DEPDC5: variants seen among roughly 807,000 people sequenced by gnomAD.
DEPDC5 encodes the protein DEP domain containing 5, GATOR1 subcomplex subunit, also known as GATOR1 complex protein DEPDC5.
In DEPDC5, 73 loss-of-function variants were observed where a neutral mutation model predicts 217.3. That is an observed-to-expected ratio of 0.34 (90% CI 0.28 to 0.41). The LOEUF is 0.41. Among genes scored for constraint, DEPDC5 ranks in the 10% least tolerant of loss-of-function variants. The pLI is 1.00. For missense variants in DEPDC5, 1,675 were observed against 2,070.1 expected (o/e 0.81, Z 3.70); for synonymous variants, 733 against 756.7 (o/e 0.97, Z 0.51).
At chr22:31,756,369 T>C (rs988153924) in intron 2 of DEPDC5, among the ~76,000 whole-genome samples, 1 of 152,220 alleles carries the variant, frequency 6.6e-6, no homozygotes, top group Admixed American at 6.5e-5. Context: ...TCAATAAATG[T>C]AGCCATTGTA....
chr22:31,839,575 G>C (rs771624409), intron 27 of DEPDC5, among the ~76,000 whole-genome samples: 1 of 151,982 alleles, frequency 6.6e-6, no homozygotes, highest in Non-Finnish European at 1.5e-5. Flanking sequence ...CCCCATGAAA[G>C]CTTCTTGGGC....
intron 12 of DEPDC5, among the ~76,000 whole-genome samples, chr22:31,795,987 C>T (rs2086202838): frequency 6.6e-6 from 1 of 152,164 alleles, no homozygotes; most frequent in African/African-American, 2.4e-5. Flanking sequence ...ACCTTGGCCT[C>T]TCCAAGTGCT....
At chr22:31,795,771 C>T (rs1393841854) in intron 12 of DEPDC5, among the ~76,000 whole-genome samples, 1 of 150,388 alleles carries the variant, frequency 6.6e-6, no homozygotes, top group Non-Finnish European at 1.5e-5. Context: ...GCTCTTGTTG[C>T]CCAGTCTGGA....
chr22:31,821,314 G>C (rs1244022804), intron 22 of DEPDC5, among the ~76,000 whole-genome samples, 188 bp from the exon 23 acceptor site: 1 of 152,238 alleles, frequency 6.6e-6, no homozygotes, highest in Non-Finnish European at 1.5e-5. Context: ...TAAAGGTGAG[G>C]CTCCTTAGTA....
At chr22:31,815,550 TATC>T in intron 21 of DEPDC5, 1 of 623,472 alleles carries the variant, frequency 1.6e-6, no homozygotes, top group Non-Finnish European at 2.8e-6. Context: ...CCCAGCTGAT[TATC>T]ATATTTTTTT....
intron 33 of DEPDC5, among the ~76,000 whole-genome samples, chr22:31,866,923 G>C (rs573098477): frequency 6.6e-6 from 1 of 152,286 alleles, no homozygotes; most frequent in East Asian, 1.9e-4. Context: ...TTCATCACTT[G>C]GTTAATGTCA....
rs559317998 is a variant in DEPDC5 at position 31,861,404 on chromosome 22, C to T, written c.3301C>T (p.Arg1101Cys). ...CTTTATGGAGTTTGTCCGCAGCCCA[C>T]GCACAGCATCGTCCGCCTTCTACCC... ...AFFMEFVRSP[R>C]TASSAFYPQV... is the part of the protein sequence containing the mutation. The change falls in exon 33 of 43, where the codon CGC becomes TGC. Residue 1101 changes from arginine (R) to cysteine (C), a missense_variant. Coordinates refer to ENST00000651528, the MANE Select transcript of DEPDC5 (RefSeq NM_001242896.3). The T allele has an allele frequency of 8.4e-6, 13 of 1,551,596 alleles. No homozygotes were observed. The highest frequency in any genetic ancestry group is 4.9e-5 in the East Asian group (2 of 40,916).
At chr22:31,842,459 C>T (rs1269499244) in intron 27 of DEPDC5, among the ~76,000 whole-genome samples, 3 of 151,598 alleles carry the variant, frequency 2.0e-5, no homozygotes, top group Non-Finnish European at 4.4e-5. Flanking sequence ...CCTGTAATCC[C>T]AGCTACTCGG....
intron 31 of DEPDC5, among the ~76,000 whole-genome samples, chr22:31,851,959 G>C (rs983555596): frequency 3.9e-5 from 6 of 152,164 alleles, no homozygotes; most frequent in East Asian, 1.9e-4. Context: ...GGGAGACTGA[G>C]AGGTCAGGGT....
chr22:31,791,951 AGAAT>A, intron 10 of DEPDC5, 78 bp from the exon 11 acceptor site: 2 of 533,958 alleles, frequency 3.7e-6, no homozygotes, highest in African/African-American at 2.1e-5. Context: ...AAAAAAAAAA[AGAAT>A]ATTATATGCA....
At chr22:31,852,374 C>G (rs2092075966) in intron 31 of DEPDC5, among the ~76,000 whole-genome samples, 1 of 127,546 alleles carries the variant, frequency 7.8e-6, no homozygotes, top group African/African-American at 3.1e-5. Context: ...GAGTTTCGCT[C>G]TTGTTGCCTA....
intron 30 of DEPDC5, 27 bp downstream of exon 30, chr22:31,845,264 G>A (rs2091660317): frequency 6.2e-7 from 1 of 1,600,078 alleles, no homozygotes; most frequent in East Asian, 2.3e-5. Flanking sequence ...CTCAGGGAGT[G>A]CGCCTGGTGT....
chr22:31,762,128 A>G (rs1306572779), intron 4 of DEPDC5, among the ~76,000 whole-genome samples: 2 of 152,082 alleles, frequency 1.3e-5, no homozygotes, highest in African/African-American at 4.8e-5. Flanking sequence ...ACTATTTGTT[A>G]AATGCCTACT....
rs976160493 is a variant in DEPDC5 at position 31,844,897 on chromosome 22, A to T, written c.2802-121A>T. On this transcript the variant is annotated intron_variant, in intron 29 of 42. Coordinates refer to ENST00000651528, the MANE Select transcript of DEPDC5 (RefSeq NM_001242896.3). ...AACAAAGCCATGAGCTGTAGCATCA[A>T]ATGAGCACATACTCATGGGGAGATG... 4.0e-6 allele frequency: 4 copies of T among 994,098 alleles called. No individual in the cohort carries two copies. The Admixed American group carries it at 6.5e-5, about 16-fold the overall frequency. 61.6% of individuals were successfully genotyped at this position (994,098 alleles called of 1,614,324 possible). A position where few individuals can be genotyped will look rare whatever the true frequency, so the allele number is the denominator to read the frequency against.
intron 10 of DEPDC5, among the ~76,000 whole-genome samples, chr22:31,787,273 T>C (rs551630874): frequency 6.6e-6 from 1 of 151,230 alleles, no homozygotes; most frequent in Non-Finnish European, 1.5e-5. Flanking sequence ...TTTATAGAGA[T>C]GGGGTTTTGC....
intron 38 of DEPDC5, among the ~76,000 whole-genome samples, chr22:31,888,336 G>A (rs545074021): frequency 1.2e-4 from 15 of 124,218 alleles, no homozygotes; most frequent in South Asian, 8.6e-4. Flanking sequence ...TGCAACCTCC[G>A]CCTCCCGGTT....
At chr22:31,783,275 T>C (rs2084643949) in intron 8 of DEPDC5, among the ~76,000 whole-genome samples, 1 of 152,118 alleles carries the variant, frequency 6.6e-6, no homozygotes, top group Non-Finnish European at 1.5e-5. Context: ...GTTCTTTTGC[T>C]CTTCACAATA....
chr22:31,837,104 A>G lies in DEPDC5; in HGVS notation c.2303A>G (p.Asn768Ser). The change falls in exon 26 of 43, where the codon AAT becomes AGT. Residue 768 changes from asparagine to serine, a missense_variant. Coordinates refer to ENST00000651528, the MANE Select transcript of DEPDC5 (RefSeq NM_001242896.3). ...TTCCCTGACCGCCAGGGCCTGCAGA[A>G]TGACTACACAGAGGGCTGTTATGAT... is the stretch of plus-strand genomic sequence containing the variant. ...DYFPDRQGLQ[N>S]DYTEGCYDLL... 1 of 1,614,166 alleles carries G rather than the reference A, an allele frequency of 6.2e-7. No individual in the cohort carries two copies. The highest frequency in any genetic ancestry group is 1.1e-5 in the South Asian group (1 of 91,084).
intron 12 of DEPDC5, among the ~76,000 whole-genome samples, chr22:31,794,190 A>C (rs978444328): frequency 6.6e-6 from 1 of 151,898 alleles, no homozygotes; most frequent in African/African-American, 2.4e-5. Context: ...TTATTTGTTG[A>C]TCTTTTGTTG....
Sources: allele counts gnomAD v4.1 joint callset (sites outside exome capture counted in the v4.1 genomes callset), GRCh38; gene constraint gnomAD v4.1.1; transcripts MANE v1.5; gene names NCBI Gene and HGNC (gene_info 2026-07-23, HGNC 2026-07-21).